MARCHF8: variants seen among roughly 807,000 people sequenced by gnomAD.
The protein encoded by MARCHF8 is membrane associated ring-CH-type finger 8.
A neutral mutation model predicts 51.6 loss-of-function variants in MARCHF8; 40 were observed. The observed-to-expected ratio is 0.77, with a 90% CI of 0.60 to 1.01. The LOEUF is 1.01. MARCHF8 is among the 50% of genes least tolerant of loss of function. The pLI is 0.00. For missense variants in MARCHF8, 685 were observed against 708.6 expected, an observed-to-expected ratio of 0.97 and a Z score of 0.38; for synonymous variants, 263 against 280.3, an observed-to-expected ratio of 0.94 and a Z score of 0.62.
chr10:45,459,317 CG>C (rs1564461161), intron 6 of MARCHF8, 50 bp from the exon 7 acceptor site: 1 of 1,596,320 alleles, frequency 6.3e-7, no homozygotes, highest in Non-Finnish European at 8.5e-7. Flanking sequence ...GGAAGGGCTC[CG>C]GTGGGGTGAG....
chr10:45,527,874 C>T (rs1395028931), intron 2 of MARCHF8, among the ~76,000 whole-genome samples: 1 of 152,112 alleles, frequency 6.6e-6, no homozygotes, highest in Non-Finnish European at 1.5e-5. Flanking sequence ...CAAACCAAAT[C>T]CAACAGCACA....
chr10:45,468,600 G>A (rs948477427), intron 3 of MARCHF8, among the ~76,000 whole-genome samples: 4 of 152,174 alleles, frequency 2.6e-5, no homozygotes, highest in South Asian at 2.1e-4. Context: ...TAGGCAAGGA[G>A]GAACGTGAAG....
At chr10:45,459,343 G>GT in intron 6 of MARCHF8, 76 bp from the exon 7 acceptor site, 1 of 1,490,602 alleles carries the variant, frequency 6.7e-7, no homozygotes, top group Non-Finnish European at 9.0e-7. Flanking sequence ...TTGTAGGTAG[G>GT]TAAGATTGGC....
intron 3 of MARCHF8, among the ~76,000 whole-genome samples, chr10:45,485,274 A>G (rs1406390833): frequency 6.6e-6 from 1 of 152,222 alleles, no homozygotes; most frequent in Admixed American, 6.5e-5. Context: ...CCAGGCAGTG[A>G]TAAGTGCGAT....
At chr10:45,550,495 G>A (rs1475066372) in intron 1 of MARCHF8, among the ~76,000 whole-genome samples, 4 of 152,102 alleles carry the variant, frequency 2.6e-5, no homozygotes, top group South Asian at 2.1e-4. Context: ...AGCATGTAAG[G>A]ACAGTGGCAC....
intron 1 of MARCHF8, among the ~76,000 whole-genome samples, chr10:45,584,126 CATATATATATATATATATATAT>C (rs55978063): frequency 0.021 from 1,772 of 85,362 alleles, 43 homozygotes; most frequent in Admixed American, 0.024. Flanking sequence ...TATATACAAT[CATATATATATATATATATATAT>C]ATATATATAT....
chr10:45,464,015 G>C lies in MARCHF8; in HGVS notation c.243-19C>G, dbSNP rs1047172056. 2.0e-5 allele frequency: 31 copies of C among 1,516,924 alleles called. No homozygotes were observed. The highest frequency in any genetic ancestry group is 2.6e-5 in the Non-Finnish European group (30 of 1,138,898). 94.0% of individuals were successfully genotyped at this position (1,516,924 alleles called of 1,614,324 possible). A position where few individuals can be genotyped will look rare whatever the true frequency, so the allele number is the denominator to read the frequency against. On this transcript the variant is annotated intron_variant, in intron 4 of 7. Transcript: ENST00000453424. ...ACTGGAACTGCATGCAGAACAGTGG[G>C]ATAAAAGCACAGAAAGTAAAAACAA...
chr10:45,571,560 CG>C (rs112893242), intron 1 of MARCHF8, among the ~76,000 whole-genome samples: 5,348 of 152,196 alleles, frequency 0.035, 142 homozygotes, highest in Non-Finnish European at 0.052. Flanking sequence ...TCTTCACAGA[CG>C]TGAGTGAAAT....
At chr10:45,470,949 T>C (rs1456637363) in intron 3 of MARCHF8, among the ~76,000 whole-genome samples, 1 of 152,172 alleles carries the variant, frequency 6.6e-6, no homozygotes, top group Non-Finnish European at 1.5e-5. Flanking sequence ...TGAGCCACAA[T>C]TAAAAGAAAA....
chr10:45,463,546 C>T lies in MARCHF8; in HGVS notation c.693G>A (p.Val231=), dbSNP rs1455196092. Residue 231 remains valine (V), a synonymous_variant, in exon 5 of 8, where the codon GTG becomes GTA. Coordinates refer to ENST00000453424, the MANE Select transcript of MARCHF8 (RefSeq NM_001282866.2). ...LSAGRSTASE[V]EAGKGGRPGL... ...CGGGCCTGCCCCCCTTGCCAGCTTC[C>T]ACCTCTGAGGCAGTTGAGCGACCGG... 15 of 1,550,546 alleles carry T rather than the reference C, an allele frequency of 9.7e-6. No homozygotes were observed. The highest frequency in any genetic ancestry group is 2.0e-5 in the Admixed American group (1 of 50,992).
Position 45,463,760 on chromosome 10 carries a change from T to C in MARCHF8, c.479A>G (p.Asp160Gly). ...RTLKFSRSLN[D>G]VGEKAQDTSE... Reference sequence around the variant, plus strand: ...AGTATCCTGCGCCTTCTCACCCACATCATTGAGGGACCTTGAGAACTTTAG... The same window carrying C: ...AGTATCCTGCGCCTTCTCACCCACACCATTGAGGGACCTTGAGAACTTTAG... The change falls in exon 5 of 8, where the codon GAT (aspartate) becomes GGT (glycine). Residue 160 changes from aspartate (D) to glycine (G), a missense_variant. Transcript: ENST00000453424. 1 of 1,551,212 alleles carries C rather than the reference T, an allele frequency of 6.4e-7. No homozygotes were observed. Among genetic ancestry groups the C allele is most frequent in the Non-Finnish European group, 8.7e-7 (1 of 1,147,152 alleles).
At chr10:45,536,835 AAATAATAATAATAATAAT>A (rs60341718), upstream of MARCHF8, among the ~76,000 whole-genome samples, 459 of 134,822 alleles carry the variant, frequency 3.4e-3, 2 homozygotes, top group Non-Finnish European at 4.5e-3. Flanking sequence ...ATCTCTACCA[AAATAATAATAATAATAAT>A]AATAATAATA....
intron 4 of MARCHF8, 99 bp from the exon 5 acceptor site, chr10:45,464,095 G>T: frequency 6.6e-7 from 1 of 1,512,966 alleles, no homozygotes; most frequent in East Asian, 2.4e-5. Context: ...TGGGTAACTT[G>T]GTGAGCAAAC....
At chr10:45,570,432 G>A (rs756359488) in intron 1 of MARCHF8, among the ~76,000 whole-genome samples, 6 of 151,906 alleles carry the variant, frequency 3.9e-5, no homozygotes, top group Non-Finnish European at 7.4e-5. Flanking sequence ...TATCCATTCC[G>A]GGTTAAAAAA....
chr10:45,511,974 C>G (rs985021562), intron 2 of MARCHF8, among the ~76,000 whole-genome samples: 1 of 151,700 alleles, frequency 6.6e-6, no homozygotes, highest in Non-Finnish European at 1.5e-5. Context: ...AGCGTCTCTG[C>G]CCGGCCGCCA....
At chr10:45,534,556 A>T (rs1240247716) in intron 1 of MARCHF8, among the ~76,000 whole-genome samples, 1 of 152,190 alleles carries the variant, frequency 6.6e-6, no homozygotes, top group East Asian at 1.9e-4. Context: ...TACAAAACCA[A>T]TTAAACGTAA....
At chr10:45,493,112 G>C (rs1461636642) in intron 2 of MARCHF8, among the ~76,000 whole-genome samples, 1 of 152,202 alleles carries the variant, frequency 6.6e-6, no homozygotes, top group Non-Finnish European at 1.5e-5. Flanking sequence ...GCTTAAGAAT[G>C]ACATAAAAGA....
intron 1 of MARCHF8, among the ~76,000 whole-genome samples, chr10:45,551,856 C>CACACACACAG (rs2044199118): frequency 6.6e-6 from 1 of 152,054 alleles, no homozygotes; most frequent in Non-Finnish European, 1.5e-5. Flanking sequence ...CACACACACA[C>CACACACACAG]ACACACACAG....
chr10:45,541,957 T>C (rs751085836), intron 1 of MARCHF8, among the ~76,000 whole-genome samples: 4 of 152,168 alleles, frequency 2.6e-5, no homozygotes, highest in Non-Finnish European at 4.4e-5. Context: ...TACACCAAGC[T>C]CCTAACCATA....
Sources: gnomAD v4.1 joint callset for allele counts (sites outside exome capture counted in the v4.1 genomes callset) on GRCh38, gnomAD v4.1.1 for gene constraint, MANE v1.5 for transcripts, NCBI Gene and HGNC (gene_info 2026-07-23, HGNC 2026-07-21) for gene names.